Variants in SPAG16 observed in about 807,000 individuals in gnomAD.
SPAG16 encodes the protein sperm-associated antigen 16 protein.
SPAG16 carries 86 observed loss-of-function variants against 80.4 expected under a neutral mutation model. That is an observed-to-expected ratio of 1.07 (90% CI 0.90 to 1.28). SPAG16 has a LOEUF of 1.28. Among genes scored for constraint, SPAG16 ranks in the 50% most tolerant of loss-of-function variants. SPAG16 has a pLI of 0.00. For synonymous variants in SPAG16, 294 were observed against 265.9 expected (o/e 1.11, Z -1.03); for missense variants, 870 against 765.3 (o/e 1.14, Z -1.61).
intron 10 of SPAG16, among the ~76,000 whole-genome samples, chr2:213,497,911 T>C (rs1159756839): frequency 1.6e-4 from 25 of 152,130 alleles, no homozygotes; most frequent in Admixed American, 1.6e-3. Context: ...AGAAAGCATC[T>C]CTCACTCCAG....
chr2:214,186,993 A>G (rs1164645103), intron 15 of SPAG16, among the ~76,000 whole-genome samples: 2 of 151,926 alleles, frequency 1.3e-5, no homozygotes, highest in Non-Finnish European at 2.9e-5. Flanking sequence ...TGAAATCCTT[A>G]CCTTAGGTGA....
intron 3 of SPAG16, among the ~76,000 whole-genome samples, chr2:213,305,301 A>C (rs1164562561): frequency 6.6e-6 from 1 of 152,108 alleles, no homozygotes; most frequent in Non-Finnish European, 1.5e-5. Context: ...GCATTTGCAA[A>C]CAAGGATAAT....
chr2:214,122,923 A>G (rs576150962), intron 14 of SPAG16, among the ~76,000 whole-genome samples: 36 of 152,112 alleles, frequency 2.4e-4, no homozygotes, highest in African/African-American at 7.5e-4. Flanking sequence ...AATTATGTCA[A>G]TATTCCTACA....
chr2:214,323,332 A>T (rs5020057), intron 15 of SPAG16, among the ~76,000 whole-genome samples: 1,176 of 21,080 alleles, frequency 0.056, 14 homozygotes, highest in South Asian at 0.15. Flanking sequence ...ATATATATAT[A>T]TATTTATTTA....
At chr2:213,467,185 C>T (rs2072746311) in intron 9 of SPAG16, among the ~76,000 whole-genome samples, 1 of 151,304 alleles carries the variant, frequency 6.6e-6, no homozygotes, top group East Asian at 2.0e-4. Flanking sequence ...TCAATGATGG[C>T]TTCTAGCCCT....
chr2:214,383,641 T>A (rs977013599), intron 15 of SPAG16, among the ~76,000 whole-genome samples: 2 of 151,582 alleles, frequency 1.3e-5, no homozygotes, highest in Non-Finnish European at 2.9e-5. Context: ...TTAATGAGGA[T>A]AACAAGGTGT....
chr2:214,126,043 C>T lies in SPAG16; in HGVS notation c.1593+17782C>T, dbSNP rs867455551. ...CCTTCCTTCCTTCCTTCCTTCCTTC[C>T]TTCCTTCCTTCCTTCCTTTTTTTTT... On this transcript the variant is annotated intron_variant, in intron 14 of 15. Transcript: ENST00000331683. 6.6e-3 allele frequency among the ~76,000 whole-genome samples: 70 copies of T among 10,676 alleles called. 10 individuals are homozygous for T. The highest frequency in any genetic ancestry group is 0.022 in the South Asian group (3 of 136). 7.0% of individuals were successfully genotyped at this position (10,676 alleles called of 152,430 possible).
chr2:213,387,431 C>CTTTTTTTTTTTTTT lies in SPAG16; in HGVS notation c.942+12328_942+12341dup, dbSNP rs71060428. Among the ~76,000 whole-genome samples the CTTTTTTTTTTTTTT allele has an allele frequency of 7.1e-4, 34 of 47,912 alleles. 9 individuals are homozygous for CTTTTTTTTTTTTTT. Among genetic ancestry groups the CTTTTTTTTTTTTTT allele is most frequent in the South Asian group, 2.7e-3 (2 of 738 alleles). 31.4% of individuals were successfully genotyped at this position (47,912 alleles called of 152,430 possible). ...TTTGGGTTGGAATGAAATGCATGCTCTTTTTTTTTTTTTTTTTTTTTTTTT... is the reference window on the plus strand; with the variant it reads ...TTTGGGTTGGAATGAAATGCATGCTCTTTTTTTTTTTTTTTTTTTTTTTTTTTTTTTTTTTTTTT... On this transcript the variant is annotated intron_variant, in intron 9 of 15. Coordinates refer to ENST00000331683, the MANE Select transcript of SPAG16 (RefSeq NM_024532.5).
At chr2:213,583,200 T>C (rs1209082461) in intron 10 of SPAG16, among the ~76,000 whole-genome samples, 1 of 152,146 alleles carries the variant, frequency 6.6e-6, no homozygotes, top group Admixed American at 6.6e-5. Context: ...CAATAATGCA[T>C]TTTCCATGGA....
chr2:213,647,532 G>A (rs982467775), intron 10 of SPAG16, among the ~76,000 whole-genome samples: 2 of 150,564 alleles, frequency 1.3e-5, no homozygotes, highest in African/African-American at 5.0e-5. Context: ...TGCTCCATTC[G>A]GTCTTTGTTT....
At chr2:213,573,167 C>G (rs559011535) in intron 10 of SPAG16, among the ~76,000 whole-genome samples, 1 of 152,012 alleles carries the variant, frequency 6.6e-6, no homozygotes, top group Non-Finnish European at 1.5e-5. Context: ...AACCCGGTAC[C>G]TCAGATGGAA....
chr2:213,820,354 C>T (rs185294410), intron 10 of SPAG16, among the ~76,000 whole-genome samples: 1 of 151,592 alleles, frequency 6.6e-6, no homozygotes, highest in African/African-American at 2.4e-5. Context: ...TTTTGGTAAC[C>T]TTTTTTTTGT....
At chr2:213,761,905 A>C (rs1195429026) in intron 10 of SPAG16, among the ~76,000 whole-genome samples, 1 of 151,870 alleles carries the variant, frequency 6.6e-6, no homozygotes, top group Non-Finnish European at 1.5e-5. Context: ...AACAAAAAAA[A>C]ACCCTACAGA....
intron 10 of SPAG16, among the ~76,000 whole-genome samples, chr2:213,668,869 C>T (rs183196957): frequency 1.3e-5 from 2 of 152,172 alleles, no homozygotes; most frequent in Non-Finnish European, 2.9e-5. Context: ...AGGAGGGTCT[C>T]GGTCTCCTGA....
chr2:213,850,769 G>T (rs1344448129), intron 10 of SPAG16, among the ~76,000 whole-genome samples: 1 of 152,004 alleles, frequency 6.6e-6, no homozygotes, highest in African/African-American at 2.4e-5. Context: ...GATGAGGTTT[G>T]GTCAGTGGTG....
At chr2:214,077,041 C>A (rs932523172) in intron 13 of SPAG16, among the ~76,000 whole-genome samples, 1 of 151,866 alleles carries the variant, frequency 6.6e-6, no homozygotes, top group African/African-American at 2.4e-5. Context: ...AATCTAGAAG[C>A]CTAAGAATAA....
chr2:213,829,255 G>C (rs2073482561), intron 10 of SPAG16, among the ~76,000 whole-genome samples: 1 of 152,064 alleles, frequency 6.6e-6, no homozygotes, highest in Admixed American at 6.6e-5. Context: ...ACCCCAGAAA[G>C]ATGAGCTGGT....
chr2:214,267,480 TG>T (rs1691660612), intron 15 of SPAG16, among the ~76,000 whole-genome samples: 1 of 151,792 alleles, frequency 6.6e-6, no homozygotes, highest in African/African-American at 2.4e-5. Flanking sequence ...TTTCAAACCT[TG>T]TATAAGAATC....
rs151164255 is a variant in SPAG16 at position 214,368,584 on chromosome 2, C to T, written c.1721-41556C>T. Reference sequence around the variant, plus strand: ...AAATTTCTACCCATATCAACTTAATCTCACCTCAATCAACAACCTCTGGGC... The same window carrying T: ...AAATTTCTACCCATATCAACTTAATTTCACCTCAATCAACAACCTCTGGGC... On this transcript the variant is annotated intron_variant, in intron 15 of 15. Coordinates refer to ENST00000331683, the MANE Select transcript of SPAG16 (RefSeq NM_024532.5). Among the ~76,000 whole-genome samples, 35 of 152,166 alleles carry T rather than the reference C, an allele frequency of 2.3e-4. No individual in the cohort carries two copies. The East Asian group carries it at 6.4e-3, about 28-fold the overall frequency.
Sources: gnomAD v4.1 joint callset for allele counts (sites outside exome capture counted in the v4.1 genomes callset) on GRCh38, gnomAD v4.1.1 for gene constraint, MANE v1.5 for transcripts, NCBI Gene and HGNC (gene_info 2026-07-23, HGNC 2026-07-21) for gene names.